SNTG1: variants seen among roughly 807,000 people sequenced by gnomAD.
SNTG1 encodes gamma-1-syntrophin.
A neutral mutation model predicts 74.7 loss-of-function variants in SNTG1; 39 were observed. That is an observed-to-expected ratio of 0.52 (90% CI 0.40 to 0.68). SNTG1 has a LOEUF of 0.68. SNTG1 is among the 30% of genes least tolerant of loss of function. SNTG1 has a pLI of 0.00. For synonymous variants in SNTG1, 254 were observed against 217.1 expected (o/e 1.17, Z -1.49); for missense variants, 685 against 609.5 (o/e 1.12, Z -1.30).
In SNTG1 at chr8:50,501,443, T is replaced by G. The variant is rs941009969; in HGVS notation, c.364-1335T>G. ...CCTGTGCGTTTTTTTTTTTTTTTTT[T>G]TTTTTTTTTTTCACGGAGTTTTGCT... is the stretch of plus-strand genomic sequence containing the variant. On this transcript the variant is annotated intron_variant, in intron 8 of 18. Coordinates refer to ENST00000642720, the MANE Select transcript of SNTG1 (RefSeq NM_018967.5). Among the ~76,000 whole-genome samples, 17 of 134,628 alleles carry G rather than the reference T, an allele frequency of 1.3e-4. No individual in the cohort carries two copies. In the South Asian group the frequency reaches 1.6e-3, roughly 13 times the overall value. 88.3% of individuals were successfully genotyped at this position (134,628 alleles called of 152,430 possible). A position where few individuals can be genotyped will look rare whatever the true frequency, so the allele number is the denominator to read the frequency against.
chr8:50,661,177 A>ATTT (rs2095221262), intron 15 of SNTG1, among the ~76,000 whole-genome samples: 1 of 152,200 alleles, frequency 6.6e-6, no homozygotes, highest in African/African-American at 2.4e-5. Context: ...TTGAGCTTGC[A>ATTT]TTTTATTAGG....
chr8:50,196,948 C>A (rs1432797715), intron 2 of SNTG1, among the ~76,000 whole-genome samples: 1 of 152,014 alleles, frequency 6.6e-6, no homozygotes. Context: ...TGCCACGGCA[C>A]TCCAGCCTGA....
rs2094566246 is a variant in SNTG1 at position 50,574,549 on chromosome 8, A to G, written c.811-16330A>G. ...ATATTACATATACTTGAAAATGTGTATTTTTCTTTACACATATAAAACAAA... is the reference window on the plus strand; with the variant it reads ...ATATTACATATACTTGAAAATGTGTGTTTTTCTTTACACATATAAAACAAA... On this transcript the variant is annotated intron_variant, in intron 12 of 18. Transcript: ENST00000642720. 5.3e-5 allele frequency among the ~76,000 whole-genome samples: 8 copies of G among 152,102 alleles called. No homozygotes were observed. In the South Asian group the frequency reaches 1.7e-3, roughly 32 times the overall value.
chr8:50,534,000 T>C (rs993020870), intron 10 of SNTG1, among the ~76,000 whole-genome samples: 4 of 152,196 alleles, frequency 2.6e-5, no homozygotes, highest in African/African-American at 9.7e-5. Flanking sequence ...AAACACAAAA[T>C]TTGAAAGAAA....
intron 2 of SNTG1, among the ~76,000 whole-genome samples, chr8:50,290,570 C>T (rs985775551): frequency 6.6e-6 from 1 of 151,996 alleles, no homozygotes; most frequent in African/African-American, 2.4e-5. Flanking sequence ...TAGGTTTTTC[C>T]AGTTGTAATA....
intron 2 of SNTG1, among the ~76,000 whole-genome samples, chr8:50,276,837 T>TTTTTG (rs2088140212): frequency 6.6e-6 from 1 of 151,894 alleles, no homozygotes; most frequent in African/African-American, 2.4e-5. Flanking sequence ...GTGCATTCTT[T>TTTTTG]TTTTCTTTTC....
chr8:50,394,376 GA>G, intron 3 of SNTG1, 111 bp downstream of exon 3: 1 of 1,034,970 alleles, frequency 9.7e-7, no homozygotes, highest in Non-Finnish European at 1.4e-6. Context: ...ATGGAGAGAG[GA>G]GGATGGGCTC....
intron 1 of SNTG1, among the ~76,000 whole-genome samples, chr8:50,005,759 C>G (rs318916): frequency 0.82 from 123,958 of 151,786 alleles, 50,794 homozygotes; most frequent in East Asian, 0.95. Context: ...GTGAATATTG[C>G]CTATTTTGTG....
At position 50,088,028 on chromosome 8, in the gene SNTG1, G is replaced by A. The variant is rs1202843922; in HGVS notation, c.-102-84533G>A. Among the ~76,000 whole-genome samples, 6 of 145,216 alleles carry A rather than the reference G, an allele frequency of 4.1e-5. No homozygotes were observed. The South Asian group carries it at 6.7e-4, about 16-fold the overall frequency. ...TTCCCACCTATGAGTGAGAATATGC[G>A]GTGTTTGGTTTTTTGTTCTTGTGAT... On this transcript the variant is annotated intron_variant, in intron 1 of 18. Transcript: ENST00000642720.
At chr8:50,619,965 A>T (rs1290916700) in intron 13 of SNTG1, among the ~76,000 whole-genome samples, 1 of 151,514 alleles carries the variant, frequency 6.6e-6, no homozygotes, top group African/African-American at 2.4e-5. Context: ...CAGCCATATC[A>T]AATTGACACA....
At chr8:49,962,004 C>G (rs959856982) in intron 1 of SNTG1, among the ~76,000 whole-genome samples, 1 of 152,182 alleles carries the variant, frequency 6.6e-6, no homozygotes, top group Admixed American at 6.5e-5. Context: ...TCAATGGCAG[C>G]CGGACAAACA....
intron 12 of SNTG1, among the ~76,000 whole-genome samples, chr8:50,570,886 G>A (rs1345398099): frequency 1.3e-5 from 2 of 151,854 alleles, no homozygotes; most frequent in African/African-American, 2.4e-5. Context: ...TTACAGGTGT[G>A]AGCCACCACA....
At chr8:50,315,956 A>G (rs2090302618) in intron 2 of SNTG1, among the ~76,000 whole-genome samples, 1 of 152,194 alleles carries the variant, frequency 6.6e-6, no homozygotes, top group South Asian at 2.1e-4. Flanking sequence ...TTCACTCAAA[A>G]AAGAAAAATC....
At chr8:50,697,574 A>T (rs191063055) in intron 15 of SNTG1, among the ~76,000 whole-genome samples, 1 of 151,710 alleles carries the variant, frequency 6.6e-6, no homozygotes, top group East Asian at 1.9e-4. Flanking sequence ...GTCATATATG[A>T]CCTTTATTAT....
In SNTG1 at chr8:50,075,068, T is replaced by C. The variant is rs116888838; in HGVS notation, c.-102-97493T>C. Among the ~76,000 whole-genome samples the C allele has an allele frequency of 3.6e-3, 549 of 152,252 alleles. 9 individuals are homozygous for C. The East Asian group carries it at 0.056, about 16-fold the overall frequency. ...CTGCCGGCCGCCCACACTGCCCCCA[T>C]ATTTTCACCAGGCCTCAGCCGCCTC... On this transcript the variant is annotated intron_variant, in intron 1 of 18. Transcript: ENST00000642720.
At chr8:50,209,852 G>T (rs987390931) in intron 2 of SNTG1, among the ~76,000 whole-genome samples, 5 of 152,282 alleles carry the variant, frequency 3.3e-5, no homozygotes, top group African/African-American at 1.2e-4. Flanking sequence ...ACCAGCAACG[G>T]AACAAAGCTG....
intron 1 of SNTG1, among the ~76,000 whole-genome samples, chr8:49,918,580 A>G (rs1032023760): frequency 6.6e-6 from 1 of 151,934 alleles, no homozygotes; most frequent in Non-Finnish European, 1.5e-5. Context: ...ACTCTATAGA[A>G]TATTCTGTTG....
chr8:50,213,441 A>G (rs762797033), intron 2 of SNTG1, among the ~76,000 whole-genome samples: 46 of 152,228 alleles, frequency 3.0e-4, no homozygotes, highest in Non-Finnish European at 4.9e-4. Flanking sequence ...TTTCTGGCAT[A>G]TGAATAAATT....
chr8:50,503,010 A>G (rs1021274683), intron 9 of SNTG1, 130 bp downstream of exon 9: 2 of 678,136 alleles, frequency 2.9e-6, no homozygotes, highest in African/African-American at 1.8e-5. Flanking sequence ...TTTATATTAC[A>G]AAGTGTTCTA....
Sources: allele counts gnomAD v4.1 joint callset (sites outside exome capture counted in the v4.1 genomes callset), GRCh38; gene constraint gnomAD v4.1.1; transcripts MANE v1.5; gene names NCBI Gene and HGNC (gene_info 2026-07-23, HGNC 2026-07-21).